Variants in PPP2R2B observed in about 807,000 individuals in gnomAD.
The protein encoded by PPP2R2B is protein phosphatase 2 regulatory subunit Bbeta, also known as serine/threonine-protein phosphatase 2A 55 kDa regulatory subunit B beta isoform.
PPP2R2B carries 5 observed loss-of-function variants against 46.0 expected under a neutral mutation model. The observed-to-expected ratio is 0.11, with a 90% CI of 0.06 to 0.23. The LOEUF is 0.23. Among genes scored for constraint, PPP2R2B ranks in the 10% least tolerant of loss-of-function variants. The pLI is 1.00. For synonymous variants in PPP2R2B, 215 were observed against 206.7 expected, an observed-to-expected ratio of 1.04 and a Z score of -0.34; for missense variants, 367 against 575.0, an observed-to-expected ratio of 0.64 and a Z score of 3.70.
intron 1 of PPP2R2B, among the ~76,000 whole-genome samples, chr5:147,050,683 C>CAA (rs1162042087): frequency 3.3e-5 from 5 of 151,906 alleles, no homozygotes; most frequent in African/African-American, 1.2e-4. Context: ...CACACACACA[C>CAA]ACACACGCAT....
chr5:146,764,524 T>C (rs544520908), intron 2 of PPP2R2B, among the ~76,000 whole-genome samples: 2 of 152,168 alleles, frequency 1.3e-5, no homozygotes, highest in East Asian at 3.9e-4. Flanking sequence ...CCCTAATGGA[T>C]AAAATGTTTT....
chr5:146,811,802 C>T (rs1410223415), intron 2 of PPP2R2B, among the ~76,000 whole-genome samples: 6 of 149,462 alleles, frequency 4.0e-5, no homozygotes, highest in East Asian at 4.0e-4. Flanking sequence ...CTCCTGACCT[C>T]GTGATCTGCC....
intron 1 of PPP2R2B, among the ~76,000 whole-genome samples, chr5:147,023,509 C>T (rs1206773633): frequency 6.6e-6 from 1 of 151,942 alleles, no homozygotes; most frequent in African/African-American, 2.4e-5. Flanking sequence ...AAATATAAAA[C>T]ATAGGTAAAA....
intron 1 of PPP2R2B, among the ~76,000 whole-genome samples, chr5:146,996,106 T>C (rs1753913328): frequency 6.6e-6 from 1 of 152,180 alleles, no homozygotes; most frequent in African/African-American, 2.4e-5. Flanking sequence ...GACAGTAGGA[T>C]GTGTGTACAG....
At chr5:147,022,557 C>CAA (rs35755206) in intron 1 of PPP2R2B, among the ~76,000 whole-genome samples, 1 of 147,164 alleles carries the variant, frequency 6.8e-6, no homozygotes, top group Non-Finnish European at 1.5e-5. Context: ...AGGCTCCATC[C>CAA]AAAAAAAAAA....
chr5:146,938,491 T>C (rs1403896962), intron 1 of PPP2R2B, among the ~76,000 whole-genome samples: 1 of 152,142 alleles, frequency 6.6e-6, no homozygotes, highest in Non-Finnish European at 1.5e-5. Flanking sequence ...AGTTTTTCTA[T>C]GTAAAAAATA....
At chr5:147,070,918 A>T (rs1206987422) in intron 2 of PPP2R2B, among the ~76,000 whole-genome samples, 1 of 152,116 alleles carries the variant, frequency 6.6e-6, no homozygotes, top group Non-Finnish European at 1.5e-5. Context: ...ATCTGCTGTG[A>T]AGTGGAGATT....
At chr5:147,042,545 G>T (rs568210037) in intron 1 of PPP2R2B, among the ~76,000 whole-genome samples, 1 of 152,218 alleles carries the variant, frequency 6.6e-6, no homozygotes, top group South Asian at 2.1e-4. Context: ...GAAAAAGGTA[G>T]ACAAAAACTT....
At chr5:146,927,741 T>TG (rs1763826547) in intron 1 of PPP2R2B, among the ~76,000 whole-genome samples, 1 of 151,676 alleles carries the variant, frequency 6.6e-6, no homozygotes, top group Admixed American at 6.6e-5. Context: ...TTTCTTCTTT[T>TG]TTTTTTTTTT....
rs114116750 is a variant in PPP2R2B, at chr5:146,620,552, C to T, written c.790+17699G>A. Among the ~76,000 whole-genome samples, 617 of 152,248 alleles carry T rather than the reference C, an allele frequency of 4.1e-3. 3 individuals are homozygous for T. Among genetic ancestry groups the T allele is most frequent in the African/African-American group, 0.014 (581 of 41,536 alleles). On this transcript the variant is annotated intron_variant, in intron 7 of 9. Transcript: ENST00000394411. ...GGCTTTATGAGCGCTCATATTTGGT[C>T]TTTCACTCTCTGCAAGGTTGGTGAG...
chr5:146,644,258 A>G (rs994060204), intron 6 of PPP2R2B, among the ~76,000 whole-genome samples: 12 of 147,166 alleles, frequency 8.2e-5, no homozygotes, highest in South Asian at 2.2e-4. Context: ...AAAAAAAAAA[A>G]AAAAAGAAGA....
intron 1 of PPP2R2B, among the ~76,000 whole-genome samples, chr5:146,974,831 G>A (rs1752825734): frequency 6.6e-6 from 1 of 151,676 alleles, no homozygotes; most frequent in African/African-American, 2.4e-5. Context: ...TGGGACTACA[G>A]GTGCCCCCCA....
intron 2 of PPP2R2B, among the ~76,000 whole-genome samples, chr5:146,849,616 T>C (rs1285291866): frequency 6.6e-6 from 1 of 152,142 alleles, no homozygotes; most frequent in Non-Finnish European, 1.5e-5. Flanking sequence ...AACAATTTAT[T>C]AGGGCAAACA....
At chr5:146,886,865 C>T (rs1000801068) in intron 1 of PPP2R2B, among the ~76,000 whole-genome samples, 3 of 150,568 alleles carry the variant, frequency 2.0e-5, no homozygotes, top group Non-Finnish European at 3.0e-5. Context: ...CCATGAAATA[C>T]TTTATAGGAT....
At chr5:146,851,978 T>C (rs1760375951) in intron 2 of PPP2R2B, among the ~76,000 whole-genome samples, 1 of 152,156 alleles carries the variant, frequency 6.6e-6, no homozygotes, top group Non-Finnish European at 1.5e-5. Flanking sequence ...GAGCATAATT[T>C]GACCTCAATT....
chr5:146,707,927 G>A (rs1009812912), intron 2 of PPP2R2B, among the ~76,000 whole-genome samples: 5 of 151,834 alleles, frequency 3.3e-5, no homozygotes, highest in South Asian at 2.1e-4. Context: ...CTAAATCTTC[G>A]GTATTTTCTA....
chr5:146,966,797 G>T (rs1335696055), intron 1 of PPP2R2B, among the ~76,000 whole-genome samples: 2 of 152,058 alleles, frequency 1.3e-5, no homozygotes, highest in South Asian at 2.1e-4. Context: ...ATTGTTTATG[G>T]TTCCTACTTT....
intron 2 of PPP2R2B, among the ~76,000 whole-genome samples, chr5:146,829,054 T>G (rs1027336614): frequency 3.3e-5 from 5 of 152,192 alleles, no homozygotes; most frequent in Non-Finnish European, 5.9e-5. Flanking sequence ...AAAGAAAAAA[T>G]TTTTTAAAAA....
chr5:146,733,320 C>CA (rs1459204090), intron 2 of PPP2R2B, among the ~76,000 whole-genome samples: 1 of 152,136 alleles, frequency 6.6e-6, no homozygotes, highest in Non-Finnish European at 1.5e-5. Context: ...TGGTGCAATG[C>CA]CAACATAAAT....
Sources: allele counts gnomAD v4.1 joint callset (sites outside exome capture counted in the v4.1 genomes callset), GRCh38; gene constraint gnomAD v4.1.1; transcripts MANE v1.5; gene names NCBI Gene and HGNC (gene_info 2026-07-23, HGNC 2026-07-21).